The following PCSK7 variants were observed in gnomAD, a reference collection of about 807,000 sequenced individuals.
The protein encoded by PCSK7 is lymphoma proprotein convertase.
In PCSK7, 38 loss-of-function variants were observed where a neutral mutation model predicts 73.3. The observed-to-expected ratio is 0.52, with a 90% CI of 0.40 to 0.68. PCSK7 has a LOEUF of 0.68. Among genes scored for constraint, PCSK7 ranks in the 30% least tolerant of loss-of-function variants. The probability of loss-of-function intolerance (pLI) is 0.00; values close to 1 mark genes in which losing one functional copy is unlikely to be tolerated. For missense variants in PCSK7, 692 were observed against 991.5 expected, an observed-to-expected ratio of 0.70 and a Z score of 4.06; for synonymous variants, 296 against 383.8, an observed-to-expected ratio of 0.77 and a Z score of 2.68.
At chr11:117,223,558 A>G (rs2032290587) in intron 8 of PCSK7, 4 of 538,180 alleles carry the variant, frequency 7.4e-6, no homozygotes, top group Non-Finnish European at 1.3e-5. Context: ...GCAGCCTTCT[A>G]CCTTCATACC....
intron 12 of PCSK7, chr11:117,210,603 C>T (rs1309587942): frequency 1.3e-5 from 2 of 152,116 alleles, no homozygotes; most frequent in African/African-American, 4.8e-5. Flanking sequence ...ATGATCCACC[C>T]GCCTCAGCCT....
At position 117,205,921 on chromosome 11, in the gene PCSK7, C is replaced by T. The variant is rs1188340813; in HGVS notation, c.*76G>A. On this transcript the variant is annotated 3_prime_UTR_variant, in exon 17 of 17. Coordinates refer to ENST00000320934, the MANE Select transcript of PCSK7 (RefSeq NM_004716.4). ...GGATGCCTCAGATTCCAGATGTAAG[C>T]ATCAGAACTGCTTTCTGTCAAGAGC... The T allele has an allele frequency of 6.9e-6, 4 of 582,922 alleles. No individual in the cohort carries two copies. The African/African-American group carries it at 7.6e-5, about 11-fold the overall frequency. 36.1% of individuals were successfully genotyped at this position (582,922 alleles called of 1,614,324 possible).
rs1301520480 is a variant in PCSK7 at position 117,224,729 on chromosome 11, G to A, written c.887C>T (p.Thr296Ile). 1 of 1,613,722 alleles carries A rather than the reference G, an allele frequency of 6.2e-7. No individual in the cohort carries two copies. Among genetic ancestry groups the A allele is most frequent in the Non-Finnish European group, 8.5e-7 (1 of 1,179,670 alleles). ...CSWGPDDDGK[T>I]VDGPHQLGKA... ...TCCAAGCTGATGGGGGCCATCCACT[G>A]TCTTCCCATCGTCATCTGGTCCCCA... is the stretch of plus-strand genomic sequence containing the variant. Residue 296 changes from threonine to isoleucine, a missense_variant, in exon 7 of 17, where the codon ACA becomes ATA. Around this residue, in one of 6 missense-constraint regions of PCSK7, gnomAD observed 574 missense variants for 689.8 expected, o/e 0.83. Transcript: ENST00000320934.
At chr11:117,228,721 C>T (rs538795303) in intron 3 of PCSK7, among the ~76,000 whole-genome samples, 1 of 151,402 alleles carries the variant, frequency 6.6e-6, no homozygotes, top group East Asian at 2.0e-4. Context: ...CCCGGATTCA[C>T]GCCATTCTCC....
Position 117,225,055 on chromosome 11 carries a change from C to CTTTTTT in PCSK7, c.861-306_861-301dup, listed in dbSNP as rs571538440. The stretch of plus-strand genomic sequence containing the variant: ...ATCTAGGGATCAGAGACATGTAGAC[C>CTTTTTT]TTTTTTTTTTTTTTTTTTTCTCCTG... On this transcript the variant is annotated intron_variant, in intron 6 of 16. Transcript: ENST00000320934. 1.4e-3 allele frequency: 182 copies of CTTTTTT among 134,342 alleles called. 6 individuals are homozygous for CTTTTTT. Among genetic ancestry groups the CTTTTTT allele is most frequent in the South Asian group, 4.6e-3 (19 of 4,164 alleles). The allele number at this position is 134,342 out of a possible 1,614,324, so 8.3% of individuals were successfully genotyped here. A position where few individuals can be genotyped will look rare whatever the true frequency, so the allele number is the denominator to read the frequency against.
rs747236462 is a variant in PCSK7 at position 117,223,287 on chromosome 11, C to A, written c.1076G>T (p.Arg359Leu). 3.7e-6 allele frequency: 6 copies of A among 1,610,856 alleles called. No homozygotes were observed. Among genetic ancestry groups the A allele is most frequent in the Non-Finnish European group, 5.1e-6 (6 of 1,177,158 alleles). Residue 359 changes from arginine (R) to leucine (L), a missense_variant, in exon 9 of 17, where the codon CGC becomes CTC. Physicochemically the swap from Arg to Leu is moderately radical, Grantham distance 102. Transcript: ENST00000320934. ...VTIGAVDEEG[R>L]MPFYAEECAS... is the part of the protein sequence containing the mutation. ...ACATTCTTCTGCATAGAAAGGCATG[C>A]GTCCCTCCTCATCCACAGCTCCTAG... is the stretch of plus-strand genomic sequence containing the variant.
At chr11:117,215,400 A>AC (rs1411057595) in intron 12 of PCSK7, 988 of 73,644 alleles carry the variant, frequency 0.013, 57 homozygotes, top group African/African-American at 0.093. Flanking sequence ...ATATATATAT[A>AC]TATATACTTT....
At chr11:117,215,407 C>CACATACTTT (rs1178049660) in intron 12 of PCSK7, 1 of 58,798 alleles carries the variant, frequency 1.7e-5, no homozygotes, top group African/African-American at 1.0e-4. Context: ...TATATATATA[C>CACATACTTT]TTTTTTTTTT....
intron 9 of PCSK7, 30 bp downstream of exon 9, chr11:117,223,178 C>T: frequency 2.3e-6 from 3 of 1,292,132 alleles, no homozygotes; most frequent in Non-Finnish European, 3.4e-6. Flanking sequence ...GGGAAAGGGG[C>T]AGGCCGTGGA....
Position 117,218,860 on chromosome 11 carries a change from A to G in PCSK7, c.1431+197T>C, listed in dbSNP as rs1486648906. On this transcript the variant is annotated intron_variant, in intron 11 of 16. Transcript: ENST00000320934. This position sits in a 1 kb window ranked among gnomAD's most constrained non-coding sequence, Gnocchi z 4.0. The stretch of plus-strand genomic sequence containing the variant: ...CCCATTTACTCTATTAGTAGTTTGG[A>G]AACTTCAGTGATAGCATTGAGCCTG... 1.5e-5 allele frequency: 9 copies of G among 586,738 alleles called. 1 individual carries two copies. In the East Asian group the frequency reaches 2.2e-4, roughly 15 times the overall value. The allele number at this position is 586,738 out of a possible 1,614,324, so 36.3% of individuals were successfully genotyped here.
intron 8 of PCSK7, 64 bp downstream of exon 8, chr11:117,224,014 G>A (rs1372306216): frequency 2.0e-6 from 3 of 1,503,778 alleles, no homozygotes; most frequent in Non-Finnish European, 2.8e-6. Flanking sequence ...GCTAGGACAA[G>A]ACGTGTGATG....
intron 12 of PCSK7, chr11:117,213,853 T>A (rs1269459888): frequency 1.3e-5 from 2 of 152,136 alleles, no homozygotes; most frequent in Non-Finnish European, 2.9e-5. Flanking sequence ...AGCATCTTAT[T>A]ATGTGGCCTT....
chr11:117,212,231 G>A (rs779568375), intron 12 of PCSK7: 4 of 151,392 alleles, frequency 2.6e-5, no homozygotes, highest in Middle Eastern at 3.4e-3. Context: ...ATCTACTTTC[G>A]TGTTTCTAAA....
chr11:117,209,355 C>T, intron 12 of PCSK7: 1 of 318,152 alleles, frequency 3.1e-6, no homozygotes, highest in Non-Finnish European at 5.6e-6. Flanking sequence ...CCATTTCAGG[C>T]ACTGTACTAG....
chr11:117,218,572 T>C lies in PCSK7; in HGVS notation c.1432-4A>G. ...AGTAAGGGACAGATGTCCAGATCTATGAAAGGAAAGGAGGGGATGGCAAAT... is the reference window on the plus strand; with the variant it reads ...AGTAAGGGACAGATGTCCAGATCTACGAAAGGAAAGGAGGGGATGGCAAAT... On this transcript the variant is annotated splice_polypyrimidine_tract_variant and splice_region_variant and intron_variant, in intron 11 of 16. Transcript: ENST00000320934. The surrounding 1 kb of genome is among the most constrained non-coding windows in gnomAD (Gnocchi z 4.0). 1 of 1,552,664 alleles carries C rather than the reference T, an allele frequency of 6.4e-7. No homozygotes were observed. The highest frequency in any genetic ancestry group is 8.8e-7 in the Non-Finnish European group (1 of 1,135,038).
In PCSK7 at chr11:117,224,037, G is replaced by A. The variant is rs747020257; in HGVS notation, c.1054+41C>T. 21 of 1,602,696 alleles carry A rather than the reference G, an allele frequency of 1.3e-5. No individual in the cohort carries two copies. The African/African-American group carries it at 1.3e-4, about 10-fold the overall frequency. ...AAGACGTGTGATGCCCTAACCCTTC[G>A]GTGACACACACACAGGAGCACAGAA... On this transcript the variant is annotated intron_variant, in intron 8 of 16. Transcript: ENST00000320934.
chr11:117,219,414 T>C, intron 10 of PCSK7, 177 bp downstream of exon 10: 1 of 671,180 alleles, frequency 1.5e-6, no homozygotes, highest in Non-Finnish European at 2.5e-6. Flanking sequence ...TAAAATGAGT[T>C]TAGGCCTGTG....
rs757861431 is a variant in PCSK7 at position 117,219,597 on chromosome 11, G to A, written c.1317C>T (p.Ala439=). The A allele has an allele frequency of 1.9e-6, 3 of 1,612,450 alleles. No individual in the cohort carries two copies. Among genetic ancestry groups the A allele is most frequent in the Non-Finnish European group, 2.5e-6 (3 of 1,179,506 alleles). Residue 439 remains alanine (A), a synonymous_variant, in exon 10 of 17, where the codon GCC becomes GCT. Transcript: ENST00000320934. ...CTACCTGCTGGTATCTCACCCGGGT[G>A]GCTGTGAAGACAATGATGTGCTGGA... The part of the protein sequence containing the change: ...RDVQHIIVFT[A]TRYEDRRAEW...
chr11:117,209,764 A>T (rs71466788), intron 12 of PCSK7: 2 of 153,170 alleles, frequency 1.3e-5, no homozygotes, highest in East Asian at 3.8e-4. Flanking sequence ...GGATCGCTTG[A>T]GCCTGGGAGG....
Sources: allele counts gnomAD v4.1 joint callset (sites outside exome capture counted in the v4.1 genomes callset), GRCh38; gene constraint gnomAD v4.1.1; regional missense constraint gnomAD v4.1.1; non-coding constraint Gnocchi (gnomAD v3.1); transcripts MANE v1.5; gene names NCBI Gene and HGNC (gene_info 2026-07-23, HGNC 2026-07-21).